The following SCN1A variants were observed in gnomAD, a reference collection of about 807,000 sequenced individuals.
The protein encoded by SCN1A is sodium voltage-gated channel alpha subunit 1, also known as sodium channel protein type 1 subunit alpha.
A neutral mutation model predicts 193.7 loss-of-function variants in SCN1A; 13 were observed. The observed-to-expected ratio is 0.07, with a 90% CI of 0.04 to 0.11. SCN1A has a LOEUF of 0.11. SCN1A is among the 10% of genes least tolerant of loss of function. The pLI, the probability that SCN1A is intolerant of heterozygous loss-of-function variation, is 1.00. For missense variants in SCN1A, 1,432 were observed against 2,451.1 expected, an observed-to-expected ratio of 0.58 and a Z score of 8.78; for synonymous variants, 781 against 843.6, an observed-to-expected ratio of 0.93 and a Z score of 1.29.
intron 5 of SCN1A, among the ~76,000 whole-genome samples, chr2:166,057,339 C>T (rs1699231137): frequency 6.6e-6 from 1 of 151,810 alleles, no homozygotes; most frequent in African/African-American, 2.4e-5. Context: ...AATGAACAGA[C>T]ATAACAGAAT....
chr2:166,075,487 T>A (rs1684901176), intron 3 of SCN1A: 1 of 152,080 alleles, frequency 6.6e-6, no homozygotes, highest in Non-Finnish European at 1.5e-5. Flanking sequence ...TCATTTATCT[T>A]AATTTTTATA....
chr2:165,999,702 T>C, intron 25 of SCN1A, 21 bp downstream of exon 25: 1 of 1,550,266 alleles, frequency 6.5e-7, no homozygotes, highest in African/African-American at 1.4e-5. Context: ...TAAAAAGACT[T>C]AGAATACAAG....
intron 23 of SCN1A, among the ~76,000 whole-genome samples, chr2:166,008,476 A>G (rs901214850): frequency 2.0e-5 from 3 of 151,132 alleles, no homozygotes; most frequent in Admixed American, 6.6e-5. Flanking sequence ...ACAAAGTGAC[A>G]TTTAATTGGA....
intron 20 of SCN1A, among the ~76,000 whole-genome samples, 162 bp downstream of exon 20, chr2:166,015,445 G>T (rs1469503005): frequency 1.3e-5 from 2 of 151,932 alleles, no homozygotes; most frequent in African/African-American, 4.8e-5. Context: ...ATCAAAGCAT[G>T]ACACTAGACT....
chr2:166,090,128 C>T (rs1427024864), intron 2 of SCN1A, among the ~76,000 whole-genome samples: 1 of 133,156 alleles, frequency 7.5e-6, no homozygotes, highest in African/African-American at 2.8e-5. Context: ...TAGCCTCAAA[C>T]TTCTGGCCCC....
chr2:166,031,343 A>C (rs1209585959), intron 19 of SCN1A, among the ~76,000 whole-genome samples: 1 of 152,040 alleles, frequency 6.6e-6, no homozygotes, highest in African/African-American at 2.4e-5. Context: ...CTCTTTACCT[A>C]CATCTCATCC....
At chr2:166,145,871 A>G (rs1335719246) in intron 1 of SCN1A, among the ~76,000 whole-genome samples, 1 of 152,110 alleles carries the variant, frequency 6.6e-6, no homozygotes, top group Admixed American at 6.5e-5. Flanking sequence ...TTGGGCATCT[A>G]CGTCTGGATA....
intron 19 of SCN1A, 149 bp from the exon 20 acceptor site, chr2:166,015,876 A>G (rs1693225092): frequency 1.4e-5 from 11 of 795,806 alleles, no homozygotes; most frequent in Non-Finnish European, 2.0e-5. Flanking sequence ...TAAGGGGAAG[A>G]AATAAGAAAA....
In SCN1A at chr2:165,992,175, C is replaced by T. The variant is rs1689304358; in HGVS notation, c.5100G>A (p.Gly1700=). 6.2e-7 allele frequency: 1 copy of T among 1,613,850 alleles called. No individual in the cohort carries two copies. Among genetic ancestry groups the T allele is most frequent in the Non-Finnish European group, 8.5e-7 (1 of 1,179,892 alleles). Reference sequence around the variant, plus strand: ...TCTCAAAGTTGAACATGTCATCGATCCCAACTTCCCTCTTAACATAGGCAA... The same window carrying T: ...TCTCAAAGTTGAACATGTCATCGATTCCAACTTCCCTCTTAACATAGGCAA... ...SNFAYVKREV[G]IDDMFNFETF... The change falls in exon 29 of 29, where the codon GGG becomes GGA. Residue 1700 remains glycine, a synonymous_variant. Coordinates refer to ENST00000674923, the MANE Select transcript of SCN1A (RefSeq NM_001165963.4). The surrounding 1 kb of genome is among the most constrained non-coding windows in gnomAD (Gnocchi z 6.5).
intron 2 of SCN1A, among the ~76,000 whole-genome samples, chr2:166,093,203 A>T (rs1687009813): frequency 2.0e-5 from 3 of 152,002 alleles, no homozygotes; most frequent in African/African-American, 4.8e-5. Context: ...AGAAAAAAAA[A>T]ACAGAAATAA....
At chr2:165,997,211 A>G (rs575962102) in intron 26 of SCN1A, among the ~76,000 whole-genome samples, 1 of 151,430 alleles carries the variant, frequency 6.6e-6, no homozygotes, top group East Asian at 1.9e-4. Context: ...ATCATTAAAG[A>G]TTAAAAACAA....
Position 165,998,005 on chromosome 2 carries a change from C to T in SCN1A, c.4476+33G>A, listed in dbSNP as rs73969742. ...AACACTCCAAGGAATAATTTTCTAT[C>T]TCAGTGGGAGAGAAAATATTAGAAA... On this transcript the variant is annotated intron_variant, in intron 26 of 28. Transcript: ENST00000674923. The T allele has an allele frequency of 0.01, 15,529 of 1,550,364 alleles. 146 individuals are homozygous for T. The highest frequency in any genetic ancestry group is 0.039 in the Middle Eastern group (188 of 4,858).
chr2:166,144,985 C>T (rs1456349849), intron 1 of SCN1A, among the ~76,000 whole-genome samples: 2 of 151,644 alleles, frequency 1.3e-5, no homozygotes, highest in Non-Finnish European at 2.9e-5. Context: ...CTGAGTAGCG[C>T]ACCACCATGC....
At chr2:166,052,027 G>A (rs377462386) in intron 8 of SCN1A, 39 bp from the exon 9 acceptor site, 35 of 1,554,540 alleles carry the variant, frequency 2.3e-5, no homozygotes, top group African/African-American at 1.7e-4. Context: ...GACTTAACAC[G>A]TGTGAAATAA....
At chr2:166,010,414 A>G (rs1692272665) in intron 22 of SCN1A, among the ~76,000 whole-genome samples, 1 of 151,246 alleles carries the variant, frequency 6.6e-6, no homozygotes, top group Non-Finnish European at 1.5e-5. Flanking sequence ...AAGAAATTCC[A>G]TTACAAAACT....
At chr2:166,090,570 T>G (rs1686687731) in intron 2 of SCN1A, among the ~76,000 whole-genome samples, 4 of 152,166 alleles carry the variant, frequency 2.6e-5, no homozygotes, top group Admixed American at 2.6e-4. Context: ...AGCCAGGCCA[T>G]AGGTTCTTCA....
At chr2:166,094,527 C>A (rs1452780545) in intron 2 of SCN1A, among the ~76,000 whole-genome samples, 1 of 152,096 alleles carries the variant, frequency 6.6e-6, no homozygotes, top group Non-Finnish European at 1.5e-5. Context: ...CTCCAAAATT[C>A]AAAGAATCTT....
At chr2:166,035,183 A>C (rs971977283) in intron 19 of SCN1A, among the ~76,000 whole-genome samples, 1 of 151,974 alleles carries the variant, frequency 6.6e-6, no homozygotes, top group African/African-American at 2.4e-5. Context: ...AACTCTCGGC[A>C]CTCCCCTCAC....
rs1349251762 is a variant in SCN1A at position 166,070,002 on chromosome 2, C to G, written c.264+3356G>C. On this transcript the variant is annotated intron_variant, in intron 4 of 28. Coordinates refer to ENST00000674923, the MANE Select transcript of SCN1A (RefSeq NM_001165963.4). ...CAGTCACTAAAGTAAAATTAGTCAT[C>G]GAATATTGAAAGAAATATTCATTAT... 3.9e-5 allele frequency among the ~76,000 whole-genome samples: 6 copies of G among 152,016 alleles called. No individual in the cohort carries two copies. In the East Asian group the frequency reaches 1.2e-3, roughly 29 times the overall value.
Sources: gnomAD v4.1 joint callset for allele counts (sites outside exome capture counted in the v4.1 genomes callset) on GRCh38, gnomAD v4.1.1 for gene constraint, Gnocchi (gnomAD v3.1) non-coding constraint, MANE v1.5 for transcripts, NCBI Gene and HGNC (gene_info 2026-07-23, HGNC 2026-07-21) for gene names.